The following RIPOR2 variants were observed in gnomAD, a reference collection of about 807,000 sequenced individuals.
RIPOR2 encodes rho family-interacting cell polarization regulator 2.
Under a neutral mutation model 114.5 loss-of-function variants are expected in RIPOR2, and 39 were observed. The observed-to-expected ratio is 0.34, with a 90% confidence interval of 0.26 to 0.44. The LOEUF (loss-of-function observed/expected upper bound fraction) is 0.44, where lower values mean the gene tolerates loss of function less well. Among genes scored for constraint, RIPOR2 ranks in the 20% least tolerant of loss-of-function variants. The pLI, the probability that RIPOR2 is intolerant of heterozygous loss-of-function variation, is 1.00. For missense variants in RIPOR2, 1,007 were observed against 1,255.1 expected (o/e 0.80, Z 2.99); for synonymous variants, 445 against 484.4 (o/e 0.92, Z 1.07).
chr6:24,823,751 T>G (rs561923105), intron 19 of RIPOR2, among the ~76,000 whole-genome samples: 22 of 152,272 alleles, frequency 1.4e-4, no homozygotes, highest in Admixed American at 1.4e-3. Flanking sequence ...CCTGTTGTTA[T>G]TTCTTTTTTA....
intron 11 of RIPOR2, among the ~76,000 whole-genome samples, chr6:24,849,498 T>C (rs753242350): frequency 6.6e-6 from 1 of 152,186 alleles, no homozygotes; most frequent in Non-Finnish European, 1.5e-5. Flanking sequence ...TGCCCTTATA[T>C]ATTTAAAGGT....
chr6:24,809,212 C>T (rs563228569), intron 21 of RIPOR2, among the ~76,000 whole-genome samples: 1 of 152,216 alleles, frequency 6.6e-6, no homozygotes, highest in East Asian at 1.9e-4. Context: ...AAAATAAGTA[C>T]TCCAATTCTT....
chr6:25,038,484 C>G (rs1038952760), intron 1 of RIPOR2, among the ~76,000 whole-genome samples: 7 of 152,240 alleles, frequency 4.6e-5, no homozygotes, highest in African/African-American at 1.7e-4. Context: ...CAGGTGAGCC[C>G]TTTAAAGAAG....
chr6:24,859,797 C>A (rs1763871826), intron 8 of RIPOR2, among the ~76,000 whole-genome samples: 1 of 151,864 alleles, frequency 6.6e-6, no homozygotes. Context: ...CTGTCGAGCC[C>A]TTTCAAAAAA....
chr6:24,963,301 G>A (rs1773387210), intron 1 of RIPOR2, among the ~76,000 whole-genome samples: 1 of 152,160 alleles, frequency 6.6e-6, no homozygotes, highest in Admixed American at 6.5e-5. Flanking sequence ...CCAAAGTGCT[G>A]GGATTACAGG....
intron 1 of RIPOR2, among the ~76,000 whole-genome samples, chr6:24,996,343 C>T (rs546374623): frequency 1.3e-5 from 2 of 152,186 alleles, no homozygotes; most frequent in South Asian, 4.1e-4. Flanking sequence ...GATTTATGAC[C>T]CTGGGTTATT....
Position 24,806,203 on chromosome 6 carries a change from T to C in RIPOR2, c.*170A>G. ...CCTGGGCTTAAGCAATTCTCCTGCG[T>C]TGGCCTCCCAAAGTACTGGGATTAC... On this transcript the variant is annotated 3_prime_UTR_variant, in exon 22 of 22. Coordinates refer to ENST00000643898, the MANE Select transcript of RIPOR2 (RefSeq NM_001286445.3). 1 of 611,892 alleles carries C rather than the reference T, an allele frequency of 1.6e-6. No individual in the cohort carries two copies. Among genetic ancestry groups the C allele is most frequent in the Non-Finnish European group, 2.9e-6 (1 of 348,954 alleles). The allele number at this position is 611,892 out of a possible 1,614,324, so 37.9% of individuals were successfully genotyped here.
intron 1 of RIPOR2, among the ~76,000 whole-genome samples, chr6:25,021,901 G>A (rs1484451536): frequency 1.3e-5 from 2 of 152,318 alleles, no homozygotes; most frequent in Admixed American, 6.5e-5. Flanking sequence ...TGAGAGACCA[G>A]ATTGAAATCC....
At chr6:24,851,159 T>C (rs1436138544) in intron 9 of RIPOR2, among the ~76,000 whole-genome samples, 1 of 152,096 alleles carries the variant, frequency 6.6e-6, no homozygotes, top group Non-Finnish European at 1.5e-5. Flanking sequence ...CCTCCCAAAG[T>C]GCTAGGATTA....
chr6:24,935,851 A>T lies in RIPOR2; in HGVS notation c.48T>A (p.Asp16Glu), dbSNP rs1771771296. Reference protein sequence around the residue: ...AEELLVDEEDDVFGEGLPTRL... With the variant: ...AEELLVDEEDEVFGEGLPTRL... ...AGATGCATTTACCTTCACCAAAAAC[A>T]TCATCCTCTTCATCGACCAGGAGCT... The change falls in exon 1 of 22, where the codon GAT (aspartate) becomes GAA (glutamate). Residue 16 changes from aspartate to glutamate, a missense_variant. Coordinates refer to ENST00000643898, the MANE Select transcript of RIPOR2 (RefSeq NM_001286445.3). The T allele has an allele frequency of 7.2e-6, 11 of 1,535,320 alleles. No individual in the cohort carries two copies. Among genetic ancestry groups the T allele is most frequent in the Non-Finnish European group, 7.8e-6 (9 of 1,146,594 alleles).
chr6:24,960,037 G>A (rs1773231572), intron 1 of RIPOR2, among the ~76,000 whole-genome samples: 1 of 152,006 alleles, frequency 6.6e-6, no homozygotes, highest in Non-Finnish European at 1.5e-5. Context: ...ACAAGTTCAG[G>A]GAGAAAAAAG....
Position 24,860,016 on chromosome 6 carries a change from C to T in RIPOR2, c.715+957G>A, listed in dbSNP as rs1027182931. Among the ~76,000 whole-genome samples the T allele has an allele frequency of 2.0e-4, 30 of 152,228 alleles. No individual in the cohort carries two copies. The East Asian group carries it at 2.5e-3, about 13-fold the overall frequency. ...TGACAGCCATGCCTGGCCACTGAGC[C>T]GTAAATCTGACAACACCTGAGCAAT... On this transcript the variant is annotated intron_variant, in intron 8 of 21. Transcript: ENST00000643898.
rs1441979913 is a variant in RIPOR2, at chr6:24,825,382, T to C, written c.2712A>G (p.Leu904=). 2 of 1,552,202 alleles carry C rather than the reference T, an allele frequency of 1.3e-6. No homozygotes were observed. The highest frequency in any genetic ancestry group is 2.0e-5 in the Admixed American group (1 of 51,000). Residue 904 remains leucine (L), a synonymous_variant, in exon 19 of 22, where the codon CTA becomes CTG. Transcript: ENST00000643898. ...TGGGAGCAAGGTCACTCATGGTTTG[T>C]AGCAGTTTTTCATCTCTTAGTGATT... ...TLQSLRDEKL[L]QTMSDLAPSN... is the part of the protein sequence containing the mutation.
rs997222349 is a variant in RIPOR2, at chr6:24,935,956, A to T, written c.-58T>A. 32 of 1,283,338 alleles carry T rather than the reference A, an allele frequency of 2.5e-5. No homozygotes were observed. The highest frequency in any genetic ancestry group is 3.5e-5 in the Non-Finnish European group (32 of 918,598). 79.5% of individuals were successfully genotyped at this position (1,283,338 alleles called of 1,614,324 possible). A position where few individuals can be genotyped will look rare whatever the true frequency, so the allele number is the denominator to read the frequency against. ...AGCAGCCCCGGCAGTCTCAGCAGTC[A>T]CACTGCCGACCGAGGTGATTTCCTT... On this transcript the variant is annotated 5_prime_UTR_variant, in exon 1 of 22. Transcript: ENST00000643898.
rs144264007 is a variant in RIPOR2 at position 24,996,511 on chromosome 6, C to G, written c.76+45340G>C. ...AGTCCTGACCCCTGAGCATGCAGCT[C>G]TTCATGAATGGCCTTATGCCCTCAA... is the stretch of plus-strand genomic sequence containing the variant. On this transcript the variant is annotated intron_variant, in intron 1 of 13. Coordinates refer to the RIPOR2 transcript ENST00000510784. Among the ~76,000 whole-genome samples the G allele has an allele frequency of 1.0e-3, 155 of 152,326 alleles. No individual in the cohort carries two copies. The Middle Eastern group carries it at 0.01, about 10-fold the overall frequency.
intron 1 of RIPOR2, among the ~76,000 whole-genome samples, chr6:25,019,762 A>G (rs1776211107): frequency 7.2e-6 from 1 of 138,992 alleles, no homozygotes; most frequent in African/African-American, 2.7e-5. Flanking sequence ...GCAACAGAGC[A>G]AGACTCTGTC....
chr6:25,006,161 C>A (rs776672380), intron 1 of RIPOR2, among the ~76,000 whole-genome samples: 11 of 152,134 alleles, frequency 7.2e-5, no homozygotes, highest in Non-Finnish European at 1.0e-4. Flanking sequence ...AACATGTATA[C>A]AGTTTTTCTT....
chr6:25,029,460 G>A (rs1776808739), intron 1 of RIPOR2, among the ~76,000 whole-genome samples: 1 of 151,000 alleles, frequency 6.6e-6, no homozygotes. Flanking sequence ...AAAAAGGGGT[G>A]GATAGGAAAC....
intron 1 of RIPOR2, among the ~76,000 whole-genome samples, chr6:24,997,412 C>T (rs955292070): frequency 6.6e-6 from 1 of 152,168 alleles, no homozygotes; most frequent in African/African-American, 2.4e-5. Context: ...AGACATAGTG[C>T]TTGCTTTTAG....
Sources: gnomAD v4.1 joint callset for allele counts (sites outside exome capture counted in the v4.1 genomes callset) on GRCh38, gnomAD v4.1.1 for gene constraint, MANE v1.5 for transcripts, NCBI Gene and HGNC (gene_info 2026-07-23, HGNC 2026-07-21) for gene names.